Variants in CCSER1 observed in about 807,000 individuals in gnomAD.
CCSER1 encodes coiled-coil serine rich protein 1, also known as serine-rich coiled-coil domain-containing protein 1.
Under a neutral mutation model 82.0 loss-of-function variants are expected in CCSER1, and 41 were observed. That is an observed-to-expected ratio of 0.50 (90% confidence interval 0.39 to 0.65). The LOEUF (loss-of-function observed/expected upper bound fraction) is 0.65. CCSER1 is among the 30% of genes least tolerant of loss of function. The probability of loss-of-function intolerance (pLI) is 0.00; values close to 1 mark genes in which losing one functional copy is unlikely to be tolerated. For synonymous variants in CCSER1, 414 were observed against 383.9 expected (o/e 1.08, Z -0.92); for missense variants, 1,119 against 1,064.2 (o/e 1.05, Z -0.72).
At chr4:90,774,575 C>A (rs1315917000) in intron 7 of CCSER1, among the ~76,000 whole-genome samples, 1 of 152,062 alleles carries the variant, frequency 6.6e-6, no homozygotes, top group Non-Finnish European at 1.5e-5. Context: ...AAGTACTGTA[C>A]TTTGCACCTT....
intron 9 of CCSER1, among the ~76,000 whole-genome samples, chr4:90,929,950 A>T (rs866085481): frequency 3.9e-5 from 6 of 152,344 alleles, no homozygotes; most frequent in Admixed American, 1.3e-4. Flanking sequence ...CACATTGTAT[A>T]CATATATCAA....
chr4:91,227,448 T>G (rs951356604), intron 10 of CCSER1, among the ~76,000 whole-genome samples: 18 of 151,362 alleles, frequency 1.2e-4, no homozygotes, highest in African/African-American at 4.1e-4. Context: ...GTGTGTGTGT[T>G]TGTGTGTGTG....
chr4:91,518,442 A>G (rs1344559640), intron 10 of CCSER1, among the ~76,000 whole-genome samples: 2 of 152,110 alleles, frequency 1.3e-5, no homozygotes, highest in Admixed American at 1.3e-4. Flanking sequence ...CAGTATTTTC[A>G]CTCCTTCTAT....
intron 10 of CCSER1, among the ~76,000 whole-genome samples, chr4:91,388,953 T>C (rs1751480690): frequency 6.6e-6 from 1 of 152,052 alleles, no homozygotes; most frequent in Non-Finnish European, 1.5e-5. Flanking sequence ...TATTGTTAAA[T>C]TTTAAGTATT....
intron 6 of CCSER1, among the ~76,000 whole-genome samples, chr4:90,640,111 C>T (rs1269518461): frequency 2.6e-5 from 4 of 152,098 alleles, no homozygotes; most frequent in Non-Finnish European, 4.4e-5. Flanking sequence ...AAAAGATAAG[C>T]AATCGATTTG....
At chr4:90,933,225 T>C (rs1227781087) in intron 9 of CCSER1, among the ~76,000 whole-genome samples, 1 of 150,282 alleles carries the variant, frequency 6.7e-6, no homozygotes, top group Non-Finnish European at 1.5e-5. Context: ...TCTCGCTCTG[T>C]CGCCGAGGCT....
chr4:90,968,351 C>G (rs1734768883), intron 9 of CCSER1, among the ~76,000 whole-genome samples: 1 of 152,064 alleles, frequency 6.6e-6, no homozygotes, highest in Admixed American at 6.6e-5. Flanking sequence ...CCCACACATG[C>G]CCCCAGCATT....
At chr4:90,938,262 G>A (rs1285357089) in intron 9 of CCSER1, among the ~76,000 whole-genome samples, 2 of 151,998 alleles carry the variant, frequency 1.3e-5, no homozygotes, top group African/African-American at 4.8e-5. Context: ...ACTACGGGTT[G>A]CAAAAATACT....
chr4:90,997,442 G>A (rs1310015605), intron 9 of CCSER1, among the ~76,000 whole-genome samples: 2 of 152,062 alleles, frequency 1.3e-5, no homozygotes, highest in African/African-American at 4.8e-5. Context: ...TCCTATCCTA[G>A]GGTTCTTAAT....
intron 3 of CCSER1, among the ~76,000 whole-genome samples, chr4:90,340,103 C>T (rs1004323282): frequency 1.3e-4 from 19 of 151,858 alleles, no homozygotes; most frequent in Non-Finnish European, 2.8e-4. Context: ...TTATATTTTC[C>T]CCCCAACACT....
chr4:90,303,311 A>T (rs920007577), intron 1 of CCSER1, among the ~76,000 whole-genome samples: 1 of 152,186 alleles, frequency 6.6e-6, no homozygotes, highest in African/African-American at 2.4e-5. Context: ...TTTAAAGTTC[A>T]TATGGAACCA....
At chr4:91,529,455 T>C (rs2110163788) in intron 10 of CCSER1, among the ~76,000 whole-genome samples, 1 of 152,228 alleles carries the variant, frequency 6.6e-6, no homozygotes, top group East Asian at 1.9e-4. Context: ...ATTAATTTAA[T>C]TGGTTTGCTT....
At chr4:90,457,590 C>A (rs1310839752) in intron 4 of CCSER1, among the ~76,000 whole-genome samples, 1 of 152,238 alleles carries the variant, frequency 6.6e-6, no homozygotes, top group Admixed American at 6.5e-5. Flanking sequence ...GAGAGAAGAC[C>A]CACAGTGGGT....
chr4:90,178,200 T>C (rs576496228), intron 1 of CCSER1, among the ~76,000 whole-genome samples: 48 of 152,242 alleles, frequency 3.2e-4, no homozygotes, highest in Non-Finnish European at 6.5e-4. Flanking sequence ...CAAATTAATA[T>C]AATCAAATGA....
At chr4:90,835,441 G>T (rs1761689004) in intron 8 of CCSER1, among the ~76,000 whole-genome samples, 1 of 152,116 alleles carries the variant, frequency 6.6e-6, no homozygotes, top group Non-Finnish European at 1.5e-5. Flanking sequence ...GCTATTGGAC[G>T]TATTTGCCAC....
intron 9 of CCSER1, chr4:91,017,298 G>A (rs1739517542): frequency 6.6e-6 from 1 of 152,120 alleles, no homozygotes; most frequent in African/African-American, 2.4e-5. Context: ...GAACAGAATC[G>A]GTGGAGGTAA....
intron 7 of CCSER1, among the ~76,000 whole-genome samples, chr4:90,809,341 C>CAT (rs1491292953): frequency 1.3e-5 from 2 of 149,874 alleles, no homozygotes; most frequent in South Asian, 2.1e-4. Context: ...CACACACACA[C>CAT]GCACACACAC....
At chr4:90,300,234 G>A (rs1314114228) in intron 1 of CCSER1, among the ~76,000 whole-genome samples, 1 of 152,054 alleles carries the variant, frequency 6.6e-6, no homozygotes, top group Non-Finnish European at 1.5e-5. Context: ...CGTCTTTTCA[G>A]TATTATTTTA....
chr4:91,272,488 T>C (rs541987286), intron 10 of CCSER1, among the ~76,000 whole-genome samples: 4 of 152,240 alleles, frequency 2.6e-5, no homozygotes, highest in Non-Finnish European at 5.9e-5. Context: ...TTGTAGATTC[T>C]GGGTATTTGT....
Sources: allele counts gnomAD v4.1 joint callset (sites outside exome capture counted in the v4.1 genomes callset), GRCh38; gene constraint gnomAD v4.1.1; transcripts MANE v1.5; gene names NCBI Gene and HGNC (gene_info 2026-07-23, HGNC 2026-07-21).